Variants in E2F4 observed in about 807,000 individuals in gnomAD.
The protein encoded by E2F4 is E2F transcription factor 4.
In E2F4, 16 loss-of-function variants were observed where a neutral mutation model predicts 44.5. That is an observed-to-expected ratio of 0.36 (90% CI 0.24 to 0.55). E2F4 has a LOEUF of 0.55. Ranked by LOEUF, E2F4 falls within the 20% of genes least tolerant of loss-of-function variation. The pLI is 0.87. For synonymous variants in E2F4, 242 were observed against 207.2 expected (o/e 1.17, Z -1.44); for missense variants, 473 against 522.1 (o/e 0.91, Z 0.92).
chr16:67,193,362 G>C (rs1360177179), intron 3 of E2F4, 110 bp from the exon 4 acceptor site: 2 of 1,519,110 alleles, frequency 1.3e-6, no homozygotes, highest in African/African-American at 2.7e-5. Context: ...TGAGTCCCCA[G>C]AACGGTCTCT....
Position 67,193,615 on chromosome 16 carries a change from G to A in E2F4, c.451+100G>A, listed in dbSNP as rs938236082. On this transcript the variant is annotated intron_variant, in intron 4 of 9. Transcript: ENST00000379378. ...TAGGAGAGTTCTGTCTCTTAAGAGG[G>A]TTTCTGGGGCCTGCTCAGAGAGGAA... is the stretch of plus-strand genomic sequence containing the variant. 5 of 1,332,056 alleles carry A rather than the reference G, an allele frequency of 3.8e-6. No individual in the cohort carries two copies. The African/African-American group carries it at 7.2e-5, about 19-fold the overall frequency. The allele number at this position is 1,332,056 out of a possible 1,614,324, so 82.5% of individuals were successfully genotyped here.
intron 7 of E2F4, among the ~76,000 whole-genome samples, 189 bp downstream of exon 7, chr16:67,196,195 C>T (rs1397598435): frequency 6.6e-6 from 1 of 152,202 alleles, no homozygotes; most frequent in African/African-American, 2.4e-5. Flanking sequence ...ACACAGAACT[C>T]CCTGCCGTCT....
rs1033066853 is a variant in E2F4 at position 67,198,401 on chromosome 16, C to G, written c.*278C>G. On this transcript the variant is annotated 3_prime_UTR_variant, in exon 10 of 10. Transcript: ENST00000379378. ...TTCGCCAGCCCAGGCTCGGCTGCCA[C>G]CCAGTGGCACAGAACCGAGGAGCTG... 8 of 449,298 alleles carry G rather than the reference C, an allele frequency of 1.8e-5. No individual in the cohort carries two copies. Among genetic ancestry groups the G allele is most frequent in the Non-Finnish European group, 4.1e-6 (1 of 243,412 alleles). 27.8% of individuals were successfully genotyped at this position (449,298 alleles called of 1,614,324 possible). A position where few individuals can be genotyped will look rare whatever the true frequency, so the allele number is the denominator to read the frequency against.
chr16:67,192,769 C>T lies in E2F4; in HGVS notation c.144C>T (p.Asp48=). 6.2e-7 allele frequency: 1 copy of T among 1,610,694 alleles called. No homozygotes were observed. The highest frequency in any genetic ancestry group is 1.1e-5 in the South Asian group (1 of 90,398). Residue 48 remains aspartate (D), a synonymous_variant, in exon 2 of 10, where the codon GAC becomes GAT. Coordinates refer to ENST00000379378, the MANE Select transcript of E2F4 (RefSeq NM_001950.4). The stretch of plus-strand genomic sequence containing the variant: ...TCCATTCTCTCTGCCAGGCAGCTGA[C>T]ACCCTAGCTGTACGCCAGAAGCGGC... ...DGVLDLKLAA[D]TLAVRQKRRI...
chr16:67,198,017 C>T lies in E2F4; in HGVS notation c.1136C>T (p.Pro379Leu). The part of the protein sequence containing the change: ...EELMSSEVFA[P>L]LLRLSPPPGD... ...CTAGTGCTCTCTGCAGTGTTTGCCC[C>T]TCTGCTTCGTCTTTCTCCACCCCCG... Residue 379 changes from proline (P) to leucine (L), a missense_variant, in exon 10 of 10, where the codon CCT becomes CTT. By Grantham distance (98) the Pro-to-Leu change is moderately conservative. Coordinates refer to ENST00000379378, the MANE Select transcript of E2F4 (RefSeq NM_001950.4). The T allele has an allele frequency of 6.2e-7, 1 of 1,614,156 alleles. No homozygotes were observed. Among genetic ancestry groups the T allele is most frequent in the East Asian group, 2.2e-5 (1 of 44,886 alleles).
chr16:67,195,198 G>A (rs915219969), intron 6 of E2F4, among the ~76,000 whole-genome samples: 9 of 152,178 alleles, frequency 5.9e-5, no homozygotes, highest in Admixed American at 5.9e-4. Flanking sequence ...GCAATGGCGC[G>A]ATCTTGGCTC....
Position 67,194,894 on chromosome 16 carries a change from G to T in E2F4, c.722G>T (p.Arg241Leu). 6.2e-7 allele frequency: 1 copy of T among 1,614,128 alleles called. No homozygotes were observed. Among genetic ancestry groups the T allele is most frequent in the Non-Finnish European group, 8.5e-7 (1 of 1,180,024 alleles). Residue 241 changes from arginine (R) to leucine (L), a missense_variant, in exon 6 of 10, where the codon CGT becomes CTT. By Grantham distance (102) the Arg-to-Leu change is moderately radical. This residue lies in a region of E2F4 where 314 missense variants were observed against 315.6 expected (regional missense o/e 0.99). Coordinates refer to ENST00000379378, the MANE Select transcript of E2F4 (RefSeq NM_001950.4). Reference protein sequence around the residue: ...PALAQSQEASRPNSPQLTPTA... With the variant: ...PALAQSQEASLPNSPQLTPTA... ...CTAGCCCAGTCCCAGGAAGCCTCAC[G>T]TCCAAATAGTCCTCAGCTCACTCCC...
At chr16:67,197,840 T>C (rs2142214643) in intron 8 of E2F4, 27 bp from the exon 9 acceptor site, 1 of 1,613,990 alleles carries the variant, frequency 6.2e-7, no homozygotes, top group Middle Eastern at 1.7e-4. Flanking sequence ...GCTGGAATGT[T>C]AGTAACTGAG....
chr16:67,194,615 C>G, intron 5 of E2F4, 71 bp from the exon 6 acceptor site: 1 of 1,581,500 alleles, frequency 6.3e-7, no homozygotes, highest in Admixed American at 1.7e-5. Flanking sequence ...GTGGTCCTGA[C>G]CCGGAGTCGG....
At chr16:67,192,598 GAGA>G (rs1285666178) in intron 1 of E2F4, 160 bp from the exon 2 acceptor site, 4 of 919,512 alleles carry the variant, frequency 4.4e-6, no homozygotes, top group Non-Finnish European at 6.4e-6. Context: ...GGCTGGCGAG[GAGA>G]AGAGCTGCCT....
chr16:67,192,321 C>T lies in E2F4; in HGVS notation c.94C>T (p.Leu32Phe). 1 of 1,436,540 alleles carries T rather than the reference C, an allele frequency of 7.0e-7. No individual in the cohort carries two copies. The highest frequency in any genetic ancestry group is 9.1e-7 in the Non-Finnish European group (1 of 1,093,012). 89.0% of individuals were successfully genotyped at this position (1,436,540 alleles called of 1,614,324 possible). A position where few individuals can be genotyped will look rare whatever the true frequency, so the allele number is the denominator to read the frequency against. ...ACTGCTCACCACCAAGTTCGTGTCCCTTCTGCAGGAGGCCAAGGACGGCGT... is the reference window on the plus strand; with the variant it reads ...ACTGCTCACCACCAAGTTCGTGTCCTTTCTGCAGGAGGCCAAGGACGGCGT... ...LGLLTTKFVS[L>F]LQEAKDGVLD... The change falls in exon 1 of 10, where the codon CTT becomes TTT. Residue 32 changes from leucine (L) to phenylalanine (F), a missense_variant. Leu to Phe is a conservative substitution (Grantham distance 22). Transcript: ENST00000379378.
chr16:67,192,839 G>A lies in E2F4; in HGVS notation c.214G>A (p.Glu72Lys), dbSNP rs747900680. The change falls in exon 2 of 10, where the codon GAG becomes AAG. Residue 72 changes from glutamate to lysine, a missense_variant. Around this residue, in one of 3 missense-constraint regions of E2F4, gnomAD observed 119 missense variants for 175.6 expected, o/e 0.68. Coordinates refer to ENST00000379378, the MANE Select transcript of E2F4 (RefSeq NM_001950.4). ...TNVLEGIGLI[E>K]KKSKNSIQWK... is the part of the protein sequence containing the mutation. The stretch of plus-strand genomic sequence containing the variant: ...TGTTTTGGAAGGTATCGGGCTAATC[G>A]AGAAAAAGTCCAAGAACAGCATCCA... 1 of 1,612,434 alleles carries A rather than the reference G, an allele frequency of 6.2e-7. No individual in the cohort carries two copies.
Position 67,194,993 on chromosome 16 carries a change from G to A in E2F4, c.808+13G>A. 1 of 1,607,744 alleles carries A rather than the reference G, an allele frequency of 6.2e-7. No homozygotes were observed. Among genetic ancestry groups the A allele is most frequent in the African/African-American group, 1.3e-5 (1 of 74,954 alleles). On this transcript the variant is annotated intron_variant, in intron 6 of 9. Coordinates refer to ENST00000379378, the MANE Select transcript of E2F4 (RefSeq NM_001950.4). The stretch of plus-strand genomic sequence containing the variant: ...GCTGAGATCACAGGTGAGGCACCAT[G>A]GGAGCTTGTGACAGAGGCCCAAGAG...
At position 67,192,281 on chromosome 16, in the gene E2F4, C is replaced by G. The variant is rs376362007; in HGVS notation, c.54C>G (p.His18Gln). The G allele has an allele frequency of 2.6e-5, 35 of 1,336,502 alleles. No homozygotes were observed. The highest frequency in any genetic ancestry group is 3.3e-5 in the Non-Finnish European group (34 of 1,039,368). The allele number at this position is 1,336,502 out of a possible 1,614,324, so 82.8% of individuals were successfully genotyped here. ...APPPPGTPSR[H>Q]EKSLGLLTTK... ...CGCCCCCGGGCACTCCAAGCCGGCACGAAAAGAGCCTGGGACTGCTCACCA... is the reference window on the plus strand; with the variant it reads ...CGCCCCCGGGCACTCCAAGCCGGCAGGAAAAGAGCCTGGGACTGCTCACCA... The change falls in exon 1 of 10, where the codon CAC becomes CAG. Residue 18 changes from histidine to glutamine, a missense_variant. This residue lies in a region of E2F4 where 40 missense variants were observed against 30.8 expected (regional missense o/e 1.30). Transcript: ENST00000379378.
chr16:67,192,884 G>A lies in E2F4; in HGVS notation c.245+14G>A, dbSNP rs1403966766. ...CATCCAGTGGAAGTGAGTGGGCATA[G>A]TGGGAGGGTAGTAGAGTCTCCCACC... On this transcript the variant is annotated intron_variant, in intron 2 of 9. Coordinates refer to ENST00000379378, the MANE Select transcript of E2F4 (RefSeq NM_001950.4). The A allele has an allele frequency of 4.4e-6, 7 of 1,603,026 alleles. No homozygotes were observed. Among genetic ancestry groups the A allele is most frequent in the Non-Finnish European group, 6.0e-6 (7 of 1,173,732 alleles).
chr16:67,194,130 A>G lies in E2F4; in HGVS notation c.452-268A>G, dbSNP rs2032930230. ...GGCCTTGGCTAGAACACCCTCACCT[A>G]GGGATCAGCCATCGGTAGAGGAATG... is the stretch of plus-strand genomic sequence containing the variant. On this transcript the variant is annotated intron_variant, in intron 4 of 9. Transcript: ENST00000379378. The G allele has an allele frequency of 1.1e-5, 5 of 469,170 alleles. No individual in the cohort carries two copies. The South Asian group carries it at 1.2e-4, about 11-fold the overall frequency. The allele number at this position is 469,170 out of a possible 1,614,324, so 29.1% of individuals were successfully genotyped here.
intron 7 of E2F4, 30 bp downstream of exon 7, chr16:67,196,036 A>T: frequency 1.2e-6 from 2 of 1,612,372 alleles, no homozygotes; most frequent in Non-Finnish European, 1.7e-6. Context: ...GGGCAGAGAG[A>T]GAGAGTCTAG....
Position 67,198,204 on chromosome 16 carries a change from CT to C in E2F4, c.*82del, listed in dbSNP as rs758640226. 14 of 1,290,700 alleles carry C rather than the reference CT, an allele frequency of 1.1e-5. No individual in the cohort carries two copies. The highest frequency in any genetic ancestry group is 1.6e-5 in the Non-Finnish European group (14 of 898,868). The allele number at this position is 1,290,700 out of a possible 1,614,324, so 80.0% of individuals were successfully genotyped here. A position where few individuals can be genotyped will look rare whatever the true frequency, so the allele number is the denominator to read the frequency against. On this transcript the variant is annotated 3_prime_UTR_variant, in exon 10 of 10. Transcript: ENST00000379378. ...CCTGGGGACCTCTCCCACCCGACCC[CT>C]ACAGAGCTTGAGAGCCACAGACGCC... is the stretch of plus-strand genomic sequence containing the variant.
chr16:67,192,247 A>T lies in E2F4; in HGVS notation c.20A>T (p.Gln7Leu). The change falls in exon 1 of 10, where the codon CAG (glutamine) becomes CTG (leucine). Residue 7 changes from glutamine to leucine, a missense_variant. Transcript: ENST00000379378. The part of the protein sequence containing the change: MAEAGP[Q>L]APPPPGTPSR... ...GGCGCGATGGCGGAGGCCGGGCCAC[A>T]GGCGCCGCCGCCCCCGGGCACTCCA... 8.2e-7 allele frequency: 1 copy of T among 1,214,932 alleles called. No individual in the cohort carries two copies. Among genetic ancestry groups the T allele is most frequent in the Non-Finnish European group, 1.0e-6 (1 of 970,700 alleles). The allele number at this position is 1,214,932 out of a possible 1,614,324, so 75.3% of individuals were successfully genotyped here.
Sources: gnomAD v4.1 joint callset for allele counts (sites outside exome capture counted in the v4.1 genomes callset) on GRCh38, gnomAD v4.1.1 for gene constraint, gnomAD v4.1.1 regional missense constraint, MANE v1.5 for transcripts, NCBI Gene and HGNC (gene_info 2026-07-23, HGNC 2026-07-21) for gene names.